The following INPP4B variants were observed in gnomAD, a reference collection of about 807,000 sequenced individuals.
INPP4B encodes the protein inositol polyphosphate-4-phosphatase type II B.
In INPP4B, 55 loss-of-function variants were observed where a neutral mutation model predicts 122.5. That is an observed-to-expected ratio of 0.45 (90% CI 0.36 to 0.56). The LOEUF is 0.56. INPP4B is among the 20% of genes least tolerant of loss of function. The pLI, the probability that INPP4B is intolerant of heterozygous loss-of-function variation, is 0.00. For missense variants in INPP4B, 1,000 were observed against 1,097.7 expected (o/e 0.91, Z 1.26); for synonymous variants, 403 against 388.7 (o/e 1.04, Z -0.43).
At chr4:142,313,246 G>C (rs546429829) in intron 8 of INPP4B, among the ~76,000 whole-genome samples, 1 of 152,324 alleles carries the variant, frequency 6.6e-6, no homozygotes, top group Admixed American at 6.5e-5. Context: ...TCAAGCAAGG[G>C]GGATTCAACA....
intron 7 of INPP4B, among the ~76,000 whole-genome samples, chr4:142,332,426 G>T (rs1774874760): frequency 6.6e-6 from 1 of 151,618 alleles, no homozygotes; most frequent in African/African-American, 2.4e-5. Flanking sequence ...GGATAGAAAA[G>T]CATTAAAGGC....
intron 11 of INPP4B, among the ~76,000 whole-genome samples, chr4:142,246,271 TG>T (rs1728777819): frequency 6.6e-6 from 1 of 151,942 alleles, no homozygotes; most frequent in Non-Finnish European, 1.5e-5. Flanking sequence ...CTTTGCTATA[TG>T]GGCTATTTTT....
intron 1 of INPP4B, among the ~76,000 whole-genome samples, chr4:142,825,952 G>GT (rs1455933196): frequency 6.6e-6 from 1 of 152,088 alleles, no homozygotes; most frequent in East Asian, 1.9e-4. Context: ...CTTATCTCGT[G>GT]TTTTTACAGA....
chr4:142,082,239 GT>G (rs1183829287), intron 24 of INPP4B, 54 bp from the exon 25 acceptor site: 2 of 1,411,048 alleles, frequency 1.4e-6, no homozygotes, highest in Non-Finnish European at 9.6e-7. Flanking sequence ...ACCGTAAAGT[GT>G]CGGCCTCCTC....
chr4:142,777,712 A>C (rs540391368), intron 1 of INPP4B, among the ~76,000 whole-genome samples: 3 of 152,196 alleles, frequency 2.0e-5, no homozygotes, highest in Non-Finnish European at 4.4e-5. Flanking sequence ...CATACGAGGC[A>C]ATGATTCTTC....
intron 23 of INPP4B, among the ~76,000 whole-genome samples, chr4:142,102,420 T>C (rs529287912): frequency 3.3e-5 from 5 of 151,812 alleles, no homozygotes; most frequent in South Asian, 4.2e-4. Context: ...GAACCATGGT[T>C]GATCAGATTT....
chr4:142,760,609 A>G (rs1315748015), intron 1 of INPP4B, among the ~76,000 whole-genome samples: 1 of 152,146 alleles, frequency 6.6e-6, no homozygotes, highest in East Asian at 1.9e-4. Flanking sequence ...AAAAACTGGG[A>G]AAGTCATGTT....
In INPP4B at chr4:142,223,496, A is replaced by G. The variant is rs191149609; in HGVS notation, c.836+14368T>C. ...CAAAAATCTTGGCACAATTGAAAAAAATGTGCTTCTAAATGAGTTTTGCCT... is the reference window on the plus strand; with the variant it reads ...CAAAAATCTTGGCACAATTGAAAAAGATGTGCTTCTAAATGAGTTTTGCCT... On this transcript the variant is annotated intron_variant, in intron 12 of 25. Coordinates refer to ENST00000262992, the MANE Select transcript of INPP4B (RefSeq NM_001101669.3). Among the ~76,000 whole-genome samples, 6 of 152,234 alleles carry G rather than the reference A, an allele frequency of 3.9e-5. No homozygotes were observed. The East Asian group carries it at 1.2e-3, about 29-fold the overall frequency.
intron 7 of INPP4B, among the ~76,000 whole-genome samples, chr4:142,369,587 A>AAATAAATAAAT (rs1561948182): frequency 3.5e-5 from 5 of 142,456 alleles, no homozygotes; most frequent in African/African-American, 1.3e-4. Context: ...GAAAATTAAA[A>AAATAAATAAAT]AAATAAATAA....
chr4:142,623,272 G>C (rs928993291), intron 2 of INPP4B, among the ~76,000 whole-genome samples: 1 of 151,864 alleles, frequency 6.6e-6, no homozygotes, highest in Non-Finnish European at 1.5e-5. Flanking sequence ...CTCCCTAACA[G>C]GGTGGTGAAA....
At chr4:142,467,431 G>T (rs1817994412) in intron 2 of INPP4B, among the ~76,000 whole-genome samples, 1 of 152,156 alleles carries the variant, frequency 6.6e-6, no homozygotes, top group Non-Finnish European at 1.5e-5. Flanking sequence ...CTTGTGTGGG[G>T]CCTATTGCCC....
At chr4:142,689,561 C>T (rs996741137) in intron 2 of INPP4B, among the ~76,000 whole-genome samples, 2 of 151,996 alleles carry the variant, frequency 1.3e-5, no homozygotes, top group African/African-American at 4.8e-5. Flanking sequence ...TAACAGTTTC[C>T]AAAACTCTTT....
chr4:142,590,039 T>G, intron 2 of INPP4B, among the ~76,000 whole-genome samples: 1 of 152,088 alleles, frequency 6.6e-6, no homozygotes, highest in East Asian at 1.9e-4. Context: ...AGACTACATA[T>G]GATATTCCAA....
intron 18 of INPP4B, among the ~76,000 whole-genome samples, chr4:142,127,293 TTTTC>T (rs1238091787): frequency 6.6e-6 from 1 of 152,154 alleles, no homozygotes; most frequent in Non-Finnish European, 1.5e-5. Flanking sequence ...ACCACATTTG[TTTTC>T]TTGCAAGACA....
At chr4:142,214,901 G>A (rs1846438607) in intron 12 of INPP4B, among the ~76,000 whole-genome samples, 1 of 152,144 alleles carries the variant, frequency 6.6e-6, no homozygotes, top group South Asian at 2.1e-4. Context: ...CCTTTATTGT[G>A]TATGTACACA....
intron 3 of INPP4B, among the ~76,000 whole-genome samples, chr4:142,433,647 C>A (rs561417646): frequency 6.6e-6 from 1 of 152,090 alleles, no homozygotes; most frequent in South Asian, 2.1e-4. Flanking sequence ...CAACACACAT[C>A]GAAAAATTGG....
Position 142,122,151 on chromosome 4 carries a change from C to T in INPP4B, c.2112G>A (p.Val704=), listed in dbSNP as rs1141299. 1.2e-6 allele frequency: 2 copies of T among 1,610,360 alleles called. No homozygotes were observed. The highest frequency in any genetic ancestry group is 1.7e-6 in the Non-Finnish European group (2 of 1,177,958). ...FKIIEAKSND[V]LPVITGRREH... ...ACCGTCTTCCTGTTATAACTGGCAA[C>T]ACATCATTGGATTTGGCTTCAATTA... The change falls in exon 21 of 26, where the codon GTG becomes GTA. Residue 704 remains valine, a synonymous_variant. Transcript: ENST00000262992.
chr4:142,209,016 T>A lies in INPP4B; in HGVS notation c.847A>T (p.Ile283Leu). 3 of 1,601,388 alleles carry A rather than the reference T, an allele frequency of 1.9e-6. No homozygotes were observed. The highest frequency in any genetic ancestry group is 2.6e-6 in the Non-Finnish European group (3 of 1,172,020). Residue 283 changes from isoleucine (I) to leucine (L), a missense_variant, in exon 13 of 26, where the codon ATA becomes TTA. Coordinates refer to ENST00000262992, the MANE Select transcript of INPP4B (RefSeq NM_001101669.3). The part of the protein sequence containing the change: ...IKEDLCRNQE[I>L]KELGELSPHW... ...GGAGAAAGCTCACCAAGTTCTTTTATCTCCTGGTTTCTGTTAAGAGTGGAA... is the reference window on the plus strand; with the variant it reads ...GGAGAAAGCTCACCAAGTTCTTTTAACTCCTGGTTTCTGTTAAGAGTGGAA...
intron 2 of INPP4B, among the ~76,000 whole-genome samples, chr4:142,526,499 T>C: frequency 6.6e-6 from 1 of 151,996 alleles, no homozygotes. Context: ...CAATTCCAGC[T>C]GTAAAGGATC....
Sources: gnomAD v4.1 joint callset for allele counts (sites outside exome capture counted in the v4.1 genomes callset) on GRCh38, gnomAD v4.1.1 for gene constraint, MANE v1.5 for transcripts, NCBI Gene and HGNC (gene_info 2026-07-23, HGNC 2026-07-21) for gene names.